Variants in PDE1A observed in about 807,000 individuals in gnomAD.
PDE1A encodes the protein phosphodiesterase 1A.
PDE1A carries 35 observed loss-of-function variants against 61.7 expected under a neutral mutation model. The ratio of observed to expected loss-of-function variants is 0.57; its 90% CI spans 0.43 to 0.75. PDE1A has a LOEUF of 0.75. Among genes scored for constraint, PDE1A ranks in the 30% least tolerant of loss-of-function variants. The pLI, the probability that PDE1A is intolerant of heterozygous loss-of-function variation, is 0.00. For synonymous variants in PDE1A, 232 were observed against 213.2 expected (o/e 1.09, Z -0.77); for missense variants, 597 against 630.6 (o/e 0.95, Z 0.57).
chr2:182,438,793 C>A (rs1436362351), intron 2 of PDE1A, among the ~76,000 whole-genome samples: 2 of 151,938 alleles, frequency 1.3e-5, no homozygotes, highest in African/African-American at 4.8e-5. Context: ...GAGACTATAT[C>A]CAATAGGCAA....
At chr2:182,498,611 T>A (rs1688871973) in intron 2 of PDE1A, among the ~76,000 whole-genome samples, 1 of 152,026 alleles carries the variant, frequency 6.6e-6, no homozygotes. Flanking sequence ...GAAAGGCATG[T>A]ATTTCCAGAC....
intron 1 of PDE1A, among the ~76,000 whole-genome samples, chr2:182,278,778 A>G (rs976981322): frequency 6.6e-6 from 1 of 152,012 alleles, no homozygotes; most frequent in South Asian, 2.1e-4. Flanking sequence ...ATAGTAGCCC[A>G]GCAATGATTA....
intron 2 of PDE1A, among the ~76,000 whole-genome samples, chr2:182,512,982 C>T (rs1422087967): frequency 6.6e-6 from 1 of 152,122 alleles, no homozygotes; most frequent in Non-Finnish European, 1.5e-5. Flanking sequence ...TCAATGGCAT[C>T]CCTGAAAGAG....
At chr2:182,217,870 A>T (rs1301555890) in intron 7 of PDE1A, among the ~76,000 whole-genome samples, 1 of 152,072 alleles carries the variant, frequency 6.6e-6, no homozygotes, top group Non-Finnish European at 1.5e-5. Flanking sequence ...GAGATTCCTC[A>T]GGGATCTAGA....
At chr2:182,436,078 C>A (rs1257876109) in intron 2 of PDE1A, among the ~76,000 whole-genome samples, 1 of 151,916 alleles carries the variant, frequency 6.6e-6, no homozygotes, top group African/African-American at 2.4e-5. Context: ...TGTAAATAAT[C>A]CAAATGTATA....
At chr2:182,519,347 T>C (rs769672452) in intron 2 of PDE1A, among the ~76,000 whole-genome samples, 2 of 152,072 alleles carry the variant, frequency 1.3e-5, no homozygotes, top group Non-Finnish European at 2.9e-5. Context: ...ATTTCCACCA[T>C]CATAGATGAT....
Position 182,275,995 on chromosome 2 carries a change from T to C in PDE1A, c.54-11581A>G, listed in dbSNP as rs529818988. Among the ~76,000 whole-genome samples, 9 of 152,210 alleles carry C rather than the reference T, an allele frequency of 5.9e-5. No individual in the cohort carries two copies. In the East Asian group the frequency reaches 1.7e-3, roughly 29 times the overall value. ...AATTAATTTCAACACCTTCAACATA[T>C]AGGATAATAAATAATACTCCTAACT... is the stretch of plus-strand genomic sequence containing the variant. On this transcript the variant is annotated intron_variant, in intron 1 of 13. Coordinates refer to ENST00000351439, the Ensembl canonical transcript of PDE1A.
At chr2:182,606,326 A>T in the PDE1A span, among the ~76,000 whole-genome samples, 1 of 152,126 alleles carries the variant, frequency 6.6e-6, no homozygotes, top group Non-Finnish European at 1.5e-5. Flanking sequence ...TTACAGGCAC[A>T]TGCCACCACA....
At chr2:182,264,030 G>C (rs990082819) in intron 2 of PDE1A, among the ~76,000 whole-genome samples, 8 of 152,190 alleles carry the variant, frequency 5.3e-5, no homozygotes, top group Non-Finnish European at 1.2e-4. Context: ...AGGAGACTGA[G>C]GATGGGGGAA....
intron 1 of PDE1A, among the ~76,000 whole-genome samples, chr2:182,273,946 A>T (rs1693222059): frequency 6.6e-6 from 1 of 152,062 alleles, no homozygotes; most frequent in South Asian, 2.1e-4. Flanking sequence ...AACAAGAGAA[A>T]TTTCTTTCTC....
intron 1 of PDE1A, among the ~76,000 whole-genome samples, chr2:182,313,683 T>C (rs902996851): frequency 6.6e-6 from 1 of 152,202 alleles, no homozygotes; most frequent in African/African-American, 2.4e-5. Flanking sequence ...TGAGGAATGG[T>C]AAGAAGTGTG....
intron 2 of PDE1A, among the ~76,000 whole-genome samples, chr2:182,452,662 A>C (rs1574692698): frequency 6.6e-6 from 1 of 152,112 alleles, no homozygotes; most frequent in Non-Finnish European, 1.5e-5. Context: ...TTTCTACTGA[A>C]GCCCCAAGCA....
chr2:182,642,602 C>T, the PDE1A span, among the ~76,000 whole-genome samples: 1 of 152,156 alleles, frequency 6.6e-6, no homozygotes, highest in East Asian at 1.9e-4. Context: ...AGCCAGGCCA[C>T]ACCGGTTGTT....
chr2:182,532,650 A>T, the PDE1A span, among the ~76,000 whole-genome samples: 8 of 152,182 alleles, frequency 5.3e-5, no homozygotes, highest in Non-Finnish European at 8.8e-5. Flanking sequence ...AAACCTTTGA[A>T]TTATATACTT....
intron 2 of PDE1A, among the ~76,000 whole-genome samples, chr2:182,432,703 G>A (rs1704017235): frequency 6.6e-6 from 1 of 151,860 alleles, no homozygotes; most frequent in South Asian, 2.1e-4. Flanking sequence ...ATTTCCTCCA[G>A]CCCATTGTTT....
chr2:182,586,798 A>G, the PDE1A span, among the ~76,000 whole-genome samples: 2 of 152,336 alleles, frequency 1.3e-5, no homozygotes, highest in East Asian at 3.9e-4. Context: ...GCATTCATCC[A>G]TTCGATAAAT....
At chr2:182,582,861 A>G in the PDE1A span, among the ~76,000 whole-genome samples, 6 of 151,972 alleles carry the variant, frequency 3.9e-5, no homozygotes, top group Non-Finnish European at 1.5e-5. Flanking sequence ...TGTTTCCCAC[A>G]TTTTTCTGTG....
the PDE1A span, among the ~76,000 whole-genome samples, chr2:182,654,867 G>A: frequency 1.6e-4 from 25 of 152,010 alleles, no homozygotes; most frequent in Non-Finnish European, 2.8e-4. Context: ...TACCTCTAAT[G>A]GGCTTTCCAT....
intron 1 of PDE1A, among the ~76,000 whole-genome samples, chr2:182,305,122 G>T (rs1695493412): frequency 6.6e-6 from 1 of 151,704 alleles, no homozygotes; most frequent in African/African-American, 2.4e-5. Context: ...CACATTATTG[G>T]CTTTCTTCCT....
Sources: gnomAD v4.1 joint callset for allele counts (sites outside exome capture counted in the v4.1 genomes callset) on GRCh38, gnomAD v4.1.1 for gene constraint, MANE v1.5 for transcripts, NCBI Gene and HGNC (gene_info 2026-07-23, HGNC 2026-07-21) for gene names.